DHX32: variants seen among roughly 807,000 people sequenced by gnomAD.
DHX32 encodes the protein putative pre-mRNA-splicing factor ATP-dependent RNA helicase DHX32.
A neutral mutation model predicts 70.0 loss-of-function variants in DHX32; 51 were observed. That is an observed-to-expected ratio of 0.73 (90% CI 0.58 to 0.92). The LOEUF is 0.92. Among genes scored for constraint, DHX32 ranks in the 40% least tolerant of loss-of-function variants. The pLI is 0.00. For missense variants in DHX32, 762 were observed against 891.8 expected, an observed-to-expected ratio of 0.85 and a Z score of 1.85; for synonymous variants, 310 against 315.3, an observed-to-expected ratio of 0.98 and a Z score of 0.18.
chr10:125,872,069 T>G (rs1944259584), intron 1 of DHX32, among the ~76,000 whole-genome samples: 1 of 152,054 alleles, frequency 6.6e-6, no homozygotes, highest in Non-Finnish European at 1.5e-5. Context: ...TCCATGCTGG[T>G]CAGGCTGGTC....
intron 7 of DHX32, chr10:125,841,316 C>T (rs202014853): frequency 5.8e-5 from 93 of 1,613,808 alleles, no homozygotes; most frequent in Non-Finnish European, 6.9e-5. Context: ...GAACCAGTTC[C>T]GATACAGCAC....
At chr10:125,877,690 A>G (rs143756118) in intron 1 of DHX32, among the ~76,000 whole-genome samples, 1 of 152,328 alleles carries the variant, frequency 6.6e-6, no homozygotes, top group African/African-American at 2.4e-5. Context: ...TCTGTCTCAA[A>G]AAATAATAGT....
chr10:125,867,512 G>A (rs547771005), intron 1 of DHX32, among the ~76,000 whole-genome samples: 21 of 152,110 alleles, frequency 1.4e-4, no homozygotes, highest in South Asian at 4.1e-4. Flanking sequence ...CGAGGTGGGC[G>A]GATCACGAAG....
intron 10 of DHX32, among the ~76,000 whole-genome samples, chr10:125,837,813 T>A (rs1156246450): frequency 1.3e-5 from 2 of 152,234 alleles, no homozygotes; most frequent in Non-Finnish European, 2.9e-5. Flanking sequence ...CATAAAGCCT[T>A]ACACCTTCTG....
intron 3 of DHX32, among the ~76,000 whole-genome samples, chr10:125,857,867 A>G (rs1391393742): frequency 6.7e-6 from 1 of 149,240 alleles, no homozygotes; most frequent in Admixed American, 6.7e-5. Context: ...TCTTGCAGAA[A>G]TGTATATCCT....
intron 7 of DHX32, chr10:125,841,479 G>A (rs1316715112): frequency 6.8e-7 from 1 of 1,460,598 alleles, no homozygotes; most frequent in Non-Finnish European, 9.0e-7. Context: ...GATTATTTCA[G>A]CAAAAGAAAT....
In DHX32 at chr10:125,852,186, C is replaced by T. The variant is rs1328541131; in HGVS notation, c.1351+107G>A. The T allele has an allele frequency of 5.1e-6, 7 of 1,380,520 alleles. No homozygotes were observed. In the African/African-American group the frequency reaches 7.2e-5, roughly 14 times the overall value. The allele number at this position is 1,380,520 out of a possible 1,614,324, so 85.5% of individuals were successfully genotyped here. Reference sequence around the variant, plus strand: ...GCTTCAGTCCAAACCAACGCCCCCTCCATGCTTGTGTGCATTGCTGCGCAT... The same window carrying T: ...GCTTCAGTCCAAACCAACGCCCCCTTCATGCTTGTGTGCATTGCTGCGCAT... On this transcript the variant is annotated intron_variant, in intron 6 of 10. Transcript: ENST00000284690.
At chr10:125,862,595 T>TA (rs1292925725) in intron 2 of DHX32, among the ~76,000 whole-genome samples, 1 of 151,600 alleles carries the variant, frequency 6.6e-6, no homozygotes, top group Non-Finnish European at 1.5e-5. Flanking sequence ...TAGGCTTAAT[T>TA]AAAAAAAAGA....
intron 1 of DHX32, among the ~76,000 whole-genome samples, chr10:125,867,898 T>G (rs938031867): frequency 1.3e-5 from 2 of 152,204 alleles, no homozygotes; most frequent in African/African-American, 4.8e-5. Flanking sequence ...TTTTAAGCAA[T>G]GTAAATTATA....
chr10:125,879,161 C>T (rs1944303058), intron 1 of DHX32, among the ~76,000 whole-genome samples: 1 of 150,636 alleles, frequency 6.6e-6, no homozygotes, highest in Non-Finnish European at 1.5e-5. Context: ...GTAGCTGGGA[C>T]CACAGGCACG....
intron 6 of DHX32, among the ~76,000 whole-genome samples, chr10:125,850,765 A>G (rs74162861): frequency 0.087 from 13,262 of 152,286 alleles, 735 homozygotes; most frequent in South Asian, 0.22. Context: ...CCAAAGAATC[A>G]TAGATCATAC....
At chr10:125,840,727 A>G in intron 8 of DHX32, 120 bp downstream of exon 8, 1 of 1,158,840 alleles carries the variant, frequency 8.6e-7, no homozygotes, top group Non-Finnish European at 1.2e-6. Flanking sequence ...CTCAAGTGCC[A>G]TTGCATTCAA....
chr10:125,883,963 T>C (rs1007867148), upstream of DHX32, among the ~76,000 whole-genome samples: 3 of 152,146 alleles, frequency 2.0e-5, no homozygotes, highest in African/African-American at 7.2e-5. Flanking sequence ...CCTGCTCTCC[T>C]AACCGGTGCA....
At chr10:125,882,821 T>C (rs941069364), upstream of DHX32, among the ~76,000 whole-genome samples, 3 of 152,220 alleles carry the variant, frequency 2.0e-5, no homozygotes, top group Admixed American at 6.5e-5. Flanking sequence ...AAGCTAATTC[T>C]GGGAAGGTAT....
intron 1 of DHX32, among the ~76,000 whole-genome samples, chr10:125,891,341 A>ATC (rs796462443): frequency 1.4e-5 from 2 of 145,730 alleles, no homozygotes; most frequent in Admixed American, 6.9e-5. Context: ...ACTTTTATCC[A>ATC]TCTCTCTCTC....
intron 3 of DHX32, 152 bp from the exon 4 acceptor site, chr10:125,854,355 A>T: frequency 5.0e-6 from 3 of 598,618 alleles, no homozygotes; most frequent in Non-Finnish European, 7.8e-6. Context: ...TCTTTAAATA[A>T]GTAAAGATGC....
intron 1 of DHX32, among the ~76,000 whole-genome samples, chr10:125,894,661 C>A (rs1484104096): frequency 1.3e-5 from 2 of 152,300 alleles, no homozygotes; most frequent in African/African-American, 4.8e-5. Context: ...AGCATAGAGA[C>A]CTGCACTGTT....
At chr10:125,859,570 T>C (rs1944172075) in intron 3 of DHX32, 33 bp downstream of exon 3, 1 of 1,526,320 alleles carries the variant, frequency 6.6e-7, no homozygotes, top group Non-Finnish European at 8.8e-7. Context: ...TGAAATACCT[T>C]ATTACTGTAA....
intron 1 of DHX32, among the ~76,000 whole-genome samples, chr10:125,895,916 C>T (rs1452408017): frequency 2.0e-5 from 3 of 152,304 alleles, no homozygotes; most frequent in African/African-American, 7.2e-5. Flanking sequence ...CTCCACGCTT[C>T]CCGTCAGGGG....
Sources: allele counts gnomAD v4.1 joint callset (sites outside exome capture counted in the v4.1 genomes callset), GRCh38; gene constraint gnomAD v4.1.1; transcripts MANE v1.5; gene names NCBI Gene and HGNC (gene_info 2026-07-23, HGNC 2026-07-21).